Variants in XRRA1 observed in about 807,000 individuals in gnomAD.
The protein encoded by XRRA1 is X-ray radiation resistance-associated protein 1.
XRRA1 carries 69 observed loss-of-function variants against 80.2 expected under a neutral mutation model. That is an observed-to-expected ratio of 0.86 (90% CI 0.71 to 1.05). The LOEUF (loss-of-function observed/expected upper bound fraction) is 1.05, where lower values mean the gene tolerates loss of function less well. XRRA1 is among the 50% of genes least tolerant of loss of function. XRRA1 has a pLI of 0.00. For synonymous variants in XRRA1, 348 were observed against 389.9 expected (o/e 0.89, Z 1.27); for missense variants, 967 against 976.4 (o/e 0.99, Z 0.13).
chr11:74,866,495 A>G (rs371973854), intron 10 of XRRA1, among the ~76,000 whole-genome samples: 1 of 152,092 alleles, frequency 6.6e-6, no homozygotes, highest in Non-Finnish European at 1.5e-5. Flanking sequence ...GGCTCAAGCA[A>G]TCTTCCTACT....
At position 74,844,161 on chromosome 11, in the gene XRRA1, T is replaced by TTAA; in HGVS notation, c.2043+6_2043+7insTTA. 6.2e-7 allele frequency: 1 copy of TTAA among 1,612,524 alleles called. No individual in the cohort carries two copies. The highest frequency in any genetic ancestry group is 8.5e-7 in the Non-Finnish European group (1 of 1,178,574). On this transcript the variant is annotated splice_region_variant and intron_variant, in intron 17 of 18. Coordinates refer to ENST00000684022, the MANE Select transcript of XRRA1 (RefSeq NM_001378157.1). Reference sequence around the variant, plus strand: ...CCATTTACACATTCAGTGAGCTGGATGTTTACCCGTTTCTCTTTGTGAACA... The same window carrying TTAA: ...CCATTTACACATTCAGTGAGCTGGATTAAGTTTACCCGTTTCTCTTTGTGAACA...
intron 10 of XRRA1, among the ~76,000 whole-genome samples, chr11:74,878,357 A>G (rs1183837001): frequency 1.3e-5 from 2 of 151,482 alleles, no homozygotes; most frequent in East Asian, 3.8e-4. Flanking sequence ...TAGATTCTGG[A>G]TATTAGCCCT....
intron 10 of XRRA1, among the ~76,000 whole-genome samples, chr11:74,888,564 T>C (rs1421721862): frequency 6.6e-6 from 1 of 152,198 alleles, no homozygotes. Context: ...CAAAGCTGGA[T>C]GGAGAATGAC....
intron 7 of XRRA1, among the ~76,000 whole-genome samples, chr11:74,923,265 A>T (rs1941371330): frequency 6.6e-6 from 1 of 152,240 alleles, no homozygotes; most frequent in Non-Finnish European, 1.5e-5. Context: ...TAGTTTGGGT[A>T]TGACTGAAGT....
intron 12 of XRRA1, 70 bp downstream of exon 12, chr11:74,859,088 G>A: frequency 1.3e-6 from 2 of 1,489,114 alleles, no homozygotes; most frequent in African/African-American, 1.4e-5. Context: ...TTGGTTTTTA[G>A]GCCAGAGCAA....
At chr11:74,856,811 C>T (rs1377191607) in intron 12 of XRRA1, among the ~76,000 whole-genome samples, 2 of 152,138 alleles carry the variant, frequency 1.3e-5, no homozygotes, top group Non-Finnish European at 2.9e-5. Flanking sequence ...CCATAGTTAA[C>T]GAAAGCCTTC....
intron 8 of XRRA1, among the ~76,000 whole-genome samples, chr11:74,910,960 G>A (rs2055739100): frequency 6.6e-6 from 1 of 152,180 alleles, no homozygotes; most frequent in Non-Finnish European, 1.5e-5. Context: ...GCCAGGAAAG[G>A]AAAGAAAGGA....
intron 7 of XRRA1, 64 bp downstream of exon 7, chr11:74,927,327 G>C: frequency 1.3e-6 from 1 of 757,814 alleles, no homozygotes; most frequent in South Asian, 1.4e-5. Flanking sequence ...AATCAGTAAA[G>C]CTCTATGCTC....
intron 10 of XRRA1, among the ~76,000 whole-genome samples, chr11:74,875,996 A>T (rs1397737771): frequency 1.3e-5 from 2 of 152,212 alleles, no homozygotes; most frequent in Non-Finnish European, 2.9e-5. Flanking sequence ...CATCCAATAC[A>T]TCCTGGTATG....
chr11:74,854,461 A>G (rs994086088), intron 12 of XRRA1, among the ~76,000 whole-genome samples: 5 of 152,208 alleles, frequency 3.3e-5, no homozygotes, highest in African/African-American at 4.8e-5. Flanking sequence ...CAGCTATTCA[A>G]TTTTACTATT....
At chr11:74,933,639 T>G in intron 5 of XRRA1, 162 bp downstream of exon 5, 1 of 604,820 alleles carries the variant, frequency 1.7e-6, no homozygotes. Flanking sequence ...TGAATATTGT[T>G]TCAACCCAAT....
chr11:74,891,830 A>G (rs1341115443), intron 10 of XRRA1, among the ~76,000 whole-genome samples: 2 of 152,228 alleles, frequency 1.3e-5, no homozygotes, highest in Admixed American at 1.3e-4. Context: ...TAAAATACCT[A>G]GGAATCCAAC....
intron 10 of XRRA1, among the ~76,000 whole-genome samples, chr11:74,870,231 CTG>C (rs542651440): frequency 3.3e-4 from 51 of 152,284 alleles, no homozygotes; most frequent in African/African-American, 7.5e-4. Context: ...GGAATGTTGA[CTG>C]TGTTTCAAAC....
At chr11:74,915,574 A>G (rs985053822) in intron 8 of XRRA1, among the ~76,000 whole-genome samples, 1 of 152,218 alleles carries the variant, frequency 6.6e-6, no homozygotes, top group African/African-American at 2.4e-5. Flanking sequence ...TAGAGGGATT[A>G]TACAGCTGTC....
At chr11:74,921,410 T>C (rs1940758664) in intron 7 of XRRA1, 63 bp from the exon 8 acceptor site, 3 of 1,595,800 alleles carry the variant, frequency 1.9e-6, no homozygotes, top group Non-Finnish European at 2.6e-6. Context: ...TGCTCATATA[T>C]GATGTGGGAG....
At chr11:74,881,418 A>T (rs1391016775) in intron 10 of XRRA1, among the ~76,000 whole-genome samples, 3 of 150,466 alleles carry the variant, frequency 2.0e-5, no homozygotes, top group Non-Finnish European at 4.4e-5. Context: ...TCTTTATCCA[A>T]TTTGCCAGTC....
intron 10 of XRRA1, among the ~76,000 whole-genome samples, chr11:74,883,283 G>A (rs560863992): frequency 2.2e-4 from 33 of 152,310 alleles, no homozygotes; most frequent in African/African-American, 5.5e-4. Flanking sequence ...TCCAGGTGCC[G>A]TCCGTCACCC....
chr11:74,938,020 T>C (rs1252630689), intron 3 of XRRA1, among the ~76,000 whole-genome samples: 1 of 151,994 alleles, frequency 6.6e-6, no homozygotes, highest in African/African-American at 2.4e-5. Context: ...GAACTGGGAG[T>C]ATGAGAATGA....
intron 8 of XRRA1, among the ~76,000 whole-genome samples, chr11:74,912,657 T>A (rs2056169648): frequency 6.6e-6 from 1 of 152,254 alleles, no homozygotes; most frequent in Non-Finnish European, 1.5e-5. Context: ...TTATTAGTGA[T>A]GTAGATCACC....
Sources: allele counts gnomAD v4.1 joint callset (sites outside exome capture counted in the v4.1 genomes callset), GRCh38; gene constraint gnomAD v4.1.1; transcripts MANE v1.5; gene names NCBI Gene and HGNC (gene_info 2026-07-23, HGNC 2026-07-21).